Variants in PPP2R2D observed in about 807,000 individuals in gnomAD.
The protein encoded by PPP2R2D is serine/threonine-protein phosphatase 2A 55 kDa regulatory subunit B delta isoform.
Under a neutral mutation model 31.1 loss-of-function variants are expected in PPP2R2D, and 9 were observed. The observed-to-expected ratio is 0.29, with a 90% confidence interval of 0.17 to 0.51. The LOEUF (loss-of-function observed/expected upper bound fraction) is 0.51, where lower values mean the gene tolerates loss of function less well. Among genes scored for constraint, PPP2R2D ranks in the 20% least tolerant of loss-of-function variants. The pLI is 0.98. For synonymous variants in PPP2R2D, 179 were observed against 172.6 expected (o/e 1.04, Z -0.29); for missense variants, 391 against 465.6 (o/e 0.84, Z 1.48).
Position 131,956,586 on chromosome 10 carries a change from A to AACTTCATTCTAT in PPP2R2D, c.*623_*624insACTTCATTCTAT. The AACTTCATTCTAT allele has an allele frequency of 1.0e-6, 1 of 982,360 alleles. No individual in the cohort carries two copies. The highest frequency in any genetic ancestry group is 1.2e-6 in the Non-Finnish European group (1 of 827,114). 60.9% of individuals were successfully genotyped at this position (982,360 alleles called of 1,614,324 possible). On this transcript the variant is annotated 3_prime_UTR_variant, in exon 9 of 9. Coordinates refer to ENST00000455566, the MANE Select transcript of PPP2R2D (RefSeq NM_018461.5). ...GTCTTTTTATTTAATTTTATTGCATAGAATGAAGTTATGCAGGGTTCTTCT... is the reference window on the plus strand; with the variant it reads ...GTCTTTTTATTTAATTTTATTGCATAACTTCATTCTATGAATGAAGTTATGCAGGGTTCTTCT...
At chr10:131,924,865 T>G (rs2119817833) in intron 2 of PPP2R2D, among the ~76,000 whole-genome samples, 1 of 152,278 alleles carries the variant, frequency 6.6e-6, no homozygotes, top group African/African-American at 2.4e-5. Context: ...AATGTACAAA[T>G]CTTGTCATTC....
chr10:131,904,027 A>G (rs2035542955), intron 2 of PPP2R2D, among the ~76,000 whole-genome samples: 1 of 152,076 alleles, frequency 6.6e-6, no homozygotes. Flanking sequence ...AATATGGCGA[A>G]ACCCCATCTC....
chr10:131,971,171 G>A, the PPP2R2D span: 11 of 580,708 alleles, frequency 1.9e-5, no homozygotes, highest in African/African-American at 3.7e-5. Flanking sequence ...CTCACAGCAC[G>A]CTCGCCGCCT....
At position 131,947,685 on chromosome 10, in the gene PPP2R2D, G is replaced by C; in HGVS notation, c.976G>C (p.Val326Leu). ...VWDLNMESRPVETHQVHEYLR... is the reference protein window; with the variant it reads ...VWDLNMESRPLETHQVHEYLR... ...GGACCTCAACATGGAGAGCAGGCCG[G>C]TGGAGACCCACCAGGTCCACGAGTA... is the stretch of plus-strand genomic sequence containing the variant. Residue 326 changes from valine (V) to leucine (L), a missense_variant, in exon 8 of 9, where the codon GTG becomes CTG. This residue lies in a region of PPP2R2D where 163 missense variants were observed against 179.5 expected (regional missense o/e 0.91). Coordinates refer to ENST00000455566, the MANE Select transcript of PPP2R2D (RefSeq NM_018461.5). The surrounding 1 kb of genome is among the most constrained non-coding windows in gnomAD (Gnocchi z 4.3). 1 of 1,614,228 alleles carries C rather than the reference G, an allele frequency of 6.2e-7. No homozygotes were observed. Among genetic ancestry groups the C allele is most frequent in the Non-Finnish European group, 8.5e-7 (1 of 1,180,036 alleles).
chr10:131,917,933 G>A (rs12569791), intron 2 of PPP2R2D, among the ~76,000 whole-genome samples: 4,013 of 42,146 alleles, frequency 0.095, 601 homozygotes, highest in South Asian at 0.11. Flanking sequence ...GACCTCAGGC[G>A]GGTGGAATGA....
intron 3 of PPP2R2D, among the ~76,000 whole-genome samples, chr10:131,936,309 C>G (rs370872678): frequency 5.4e-4 from 78 of 143,790 alleles, no homozygotes; most frequent in Admixed American, 2.1e-3. Context: ...CCACCACGAC[C>G]AGCTAATTTT....
rs370208645 is a variant in PPP2R2D at position 131,958,864 on chromosome 10, G to A, written c.*2901G>A. 2.2e-4 allele frequency: 39 copies of A among 175,492 alleles called. No individual in the cohort carries two copies. The East Asian group carries it at 8.1e-3, about 37-fold the overall frequency. 10.9% of individuals were successfully genotyped at this position (175,492 alleles called of 1,614,324 possible). A position where few individuals can be genotyped will look rare whatever the true frequency, so the allele number is the denominator to read the frequency against. On this transcript the variant is annotated 3_prime_UTR_variant, in exon 9 of 9. Coordinates refer to ENST00000455566, the MANE Select transcript of PPP2R2D (RefSeq NM_018461.5). Reference sequence around the variant, plus strand: ...CCCTGTGGAGATGAAGGCGTGTGCTGATCCGCCATCCCACTGTGGAGATGA... The same window carrying A: ...CCCTGTGGAGATGAAGGCGTGTGCTAATCCGCCATCCCACTGTGGAGATGA...
intron 8 of PPP2R2D, among the ~76,000 whole-genome samples, chr10:131,952,782 G>C (rs2036696302): frequency 8.4e-6 from 1 of 119,570 alleles, no homozygotes; most frequent in Admixed American, 8.6e-5. Context: ...TTAGTGACTT[G>C]CGGGTGTGCA....
rs552432017 is a variant in PPP2R2D, at chr10:131,939,555, G to A, written c.199-476G>A. The stretch of plus-strand genomic sequence containing the variant: ...TCGGCAGACCTGCTCCAGAAAATAC[G>A]GCAGGCTGTATTTGGCAGACCTGCT... On this transcript the variant is annotated intron_variant, in intron 3 of 8. Coordinates refer to ENST00000455566, the MANE Select transcript of PPP2R2D (RefSeq NM_018461.5). Among the ~76,000 whole-genome samples, 234 of 140,432 alleles carry A rather than the reference G, an allele frequency of 1.7e-3. 33 individuals are homozygous for A. The highest frequency in any genetic ancestry group is 2.9e-3 in the Non-Finnish European group (190 of 64,524). The allele number at this position is 140,432 out of a possible 152,430, so 92.1% of individuals were successfully genotyped here. A position where few individuals can be genotyped will look rare whatever the true frequency, so the allele number is the denominator to read the frequency against.
chr10:131,943,942 G>A (rs1554897538), intron 5 of PPP2R2D, 26 bp from the exon 6 acceptor site: 2 of 790,348 alleles, frequency 2.5e-6, no homozygotes, highest in Admixed American at 3.6e-5. Flanking sequence ...TCTTTGTTTT[G>A]AATTCCTATT....
At chr10:131,905,453 T>C (rs2035566798) in intron 2 of PPP2R2D, among the ~76,000 whole-genome samples, 1 of 152,228 alleles carries the variant, frequency 6.6e-6, no homozygotes, top group Non-Finnish European at 1.5e-5. Flanking sequence ...CAATGTCACA[T>C]GGTATTTCAT....
At chr10:131,915,173 T>C (rs911546331) in intron 2 of PPP2R2D, among the ~76,000 whole-genome samples, 2 of 151,930 alleles carry the variant, frequency 1.3e-5, no homozygotes, top group Non-Finnish European at 2.9e-5. Flanking sequence ...TTACAAAAGC[T>C]CTAGTACATA....
At chr10:131,950,058 G>GA (rs1260158428) in intron 8 of PPP2R2D, among the ~76,000 whole-genome samples, 1 of 151,980 alleles carries the variant, frequency 6.6e-6, no homozygotes, top group East Asian at 1.9e-4. Context: ...AGGAGTCAGA[G>GA]AACATCTAGA....
chr10:131,957,337 A>T lies in PPP2R2D; in HGVS notation c.*1374A>T, dbSNP rs181732156. On this transcript the variant is annotated 3_prime_UTR_variant, in exon 9 of 9. Coordinates refer to ENST00000455566, the MANE Select transcript of PPP2R2D (RefSeq NM_018461.5). ...ATTGCCTGTGCCCCTGTGGAGAAGG[A>T]GGTGTGTGCTGATCCCCTGTGCCCT... 2.9e-5 allele frequency: 5 copies of T among 171,046 alleles called. No individual in the cohort carries two copies. Among genetic ancestry groups the T allele is most frequent in the South Asian group, 8.7e-5 (1 of 11,530 alleles). 10.6% of individuals were successfully genotyped at this position (171,046 alleles called of 1,614,324 possible).
In PPP2R2D at chr10:131,901,172, G is replaced by A. The variant is rs2035486334; in HGVS notation, c.7+17G>A. The stretch of plus-strand genomic sequence containing the variant: ...CCATGGCAGGTGAGGGGTCTGCGCG[G>A]GCCGGCGGGGACCACGGGGGCGGGC... On this transcript the variant is annotated intron_variant, in intron 1 of 8. Coordinates refer to ENST00000455566, the MANE Select transcript of PPP2R2D (RefSeq NM_018461.5). 1 of 319,990 alleles carries A rather than the reference G, an allele frequency of 3.1e-6. No individual in the cohort carries two copies. The highest frequency in any genetic ancestry group is 5.7e-6 in the Non-Finnish European group (1 of 176,016). The allele number at this position is 319,990 out of a possible 1,614,324, so 19.8% of individuals were successfully genotyped here.
chr10:131,926,102 C>T (rs1418963313), intron 2 of PPP2R2D, among the ~76,000 whole-genome samples: 5 of 152,166 alleles, frequency 3.3e-5, no homozygotes, highest in Admixed American at 6.5e-5. Context: ...TCCCTGTTTG[C>T]CTGTGTATTG....
intron 8 of PPP2R2D, among the ~76,000 whole-genome samples, chr10:131,949,590 C>T (rs1417840077): frequency 7.2e-5 from 11 of 152,022 alleles, no homozygotes; most frequent in Non-Finnish European, 1.3e-4. Context: ...CTGTTGAGAT[C>T]CTAAGTTAAA....
At position 131,957,244 on chromosome 10, in the gene PPP2R2D, C is replaced by T. The variant is rs1290163989; in HGVS notation, c.*1281C>T. The T allele has an allele frequency of 1.9e-5, 3 of 156,838 alleles. No homozygotes were observed. The highest frequency in any genetic ancestry group is 2.0e-4 in the East Asian group (1 of 5,074). 9.7% of individuals were successfully genotyped at this position (156,838 alleles called of 1,614,324 possible). On this transcript the variant is annotated 3_prime_UTR_variant, in exon 9 of 9. Coordinates refer to ENST00000455566, the MANE Select transcript of PPP2R2D (RefSeq NM_018461.5). Reference sequence around the variant, plus strand: ...GAGATGAAGGTGTGTGTTGATTCCTCCTGCTGCTGTGGAGATGGAGGTGTG... The same window carrying T: ...GAGATGAAGGTGTGTGTTGATTCCTTCTGCTGCTGTGGAGATGGAGGTGTG...
intron 2 of PPP2R2D, among the ~76,000 whole-genome samples, chr10:131,927,250 G>A (rs2036124272): frequency 6.6e-6 from 1 of 152,108 alleles, no homozygotes; most frequent in South Asian, 2.1e-4. Flanking sequence ...GCCGTGGTCT[G>A]GGAGCATCAA....
Sources: gnomAD v4.1 joint callset for allele counts (sites outside exome capture counted in the v4.1 genomes callset) on GRCh38, gnomAD v4.1.1 for gene constraint, gnomAD v4.1.1 regional missense constraint, Gnocchi (gnomAD v3.1) non-coding constraint, MANE v1.5 for transcripts, NCBI Gene and HGNC (gene_info 2026-07-23, HGNC 2026-07-21) for gene names.